The following EIF4A2 variants were observed in gnomAD, a reference collection of about 807,000 sequenced individuals.
EIF4A2 encodes eukaryotic initiation factor 4A-II.
In EIF4A2, 9 loss-of-function variants were observed where a neutral mutation model predicts 50.6. The observed-to-expected ratio is 0.18, with a 90% CI of 0.11 to 0.31. The LOEUF (loss-of-function observed/expected upper bound fraction) is 0.31. Ranked by LOEUF, EIF4A2 falls within the 10% of genes least tolerant of loss-of-function variation. The pLI is 1.00. For missense variants in EIF4A2, 182 were observed against 501.8 expected, an observed-to-expected ratio of 0.36 and a Z score of 6.09; for synonymous variants, 215 against 164.4, an observed-to-expected ratio of 1.31 and a Z score of -2.35.
chr3:186,786,805 CTT>C (rs779694284), intron 7 of EIF4A2, 160 bp downstream of exon 7: 2 of 1,018,210 alleles, frequency 2.0e-6, no homozygotes, highest in East Asian at 4.7e-5. Context: ...GGGTGGACCT[CTT>C]TCTTAATGTC....
intron 4 of EIF4A2, 115 bp downstream of exon 4, chr3:186,785,216 A>T (rs570210998): frequency 1.4e-6 from 2 of 1,460,728 alleles, no homozygotes; most frequent in South Asian, 2.6e-5. Flanking sequence ...CCTCCTTTTA[A>T]TTGTCCATGC....
chr3:186,788,997 C>T (rs1291601110), intron 10 of EIF4A2, 128 bp from the exon 11 acceptor site: 15 of 1,343,590 alleles, frequency 1.1e-5, no homozygotes, highest in African/African-American at 1.5e-5. Context: ...GCAGCTAGTG[C>T]TCCAGTTAGA....
chr3:186,786,287 CA>C lies in EIF4A2; in HGVS notation c.627+15del. The C allele has an allele frequency of 1.2e-6, 2 of 1,604,592 alleles. No individual in the cohort carries two copies. Among genetic ancestry groups the C allele is most frequent in the Non-Finnish European group, 1.7e-6 (2 of 1,173,590 alleles). On this transcript the variant is annotated intron_variant, in intron 6 of 10. Coordinates refer to ENST00000323963, the MANE Select transcript of EIF4A2 (RefSeq NM_001967.4). Reference sequence around the variant, plus strand: ...ACAAGTATTCAGGTAAGCATTACTTCACCCCCCTCTTAAAGGTAGAGATGGG... The same window carrying C: ...ACAAGTATTCAGGTAAGCATTACTTCCCCCCCTCTTAAAGGTAGAGATGGG...
chr3:186,787,931 C>T (rs1466979319), intron 10 of EIF4A2, 49 bp downstream of exon 10: 3 of 1,582,550 alleles, frequency 1.9e-6, no homozygotes, highest in Non-Finnish European at 1.7e-6. Context: ...ATACGTTTTT[C>T]TACTGTGATT....
chr3:186,785,270 C>T, intron 4 of EIF4A2, 169 bp downstream of exon 4: 8 of 937,148 alleles, frequency 8.5e-6, no homozygotes, highest in South Asian at 3.4e-5. Context: ...ACTGGGTATG[C>T]AGGTATGGTT....
At chr3:186,785,666 G>GAGC (rs1246221142) in intron 4 of EIF4A2, 1 of 525,120 alleles carries the variant, frequency 1.9e-6, no homozygotes, top group Non-Finnish European at 3.4e-6. Context: ...CTGATGCGTG[G>GAGC]AGCAGCAGCA....
Position 186,789,880 on chromosome 3 carries a change from T to C in EIF4A2, c.*611T>C, listed in dbSNP as rs1428617429. ...TAATGAAGTTTGAATGTTAAATAAA[T>C]TGTATATTCACTTTAAAGGTGCTTT... On this transcript the variant is annotated 3_prime_UTR_variant, in exon 11 of 11. Coordinates refer to ENST00000323963, the MANE Select transcript of EIF4A2 (RefSeq NM_001967.4). 1.3e-5 allele frequency: 11 copies of C among 817,790 alleles called. No homozygotes were observed. The highest frequency in any genetic ancestry group is 2.2e-5 in the Non-Finnish European group (11 of 510,384). The allele number at this position is 817,790 out of a possible 1,614,324, so 50.7% of individuals were successfully genotyped here. A position where few individuals can be genotyped will look rare whatever the true frequency, so the allele number is the denominator to read the frequency against.
At chr3:186,788,503 C>A (rs1284609658) in intron 10 of EIF4A2, 3 of 1,097,372 alleles carry the variant, frequency 2.7e-6, no homozygotes, top group Non-Finnish European at 3.5e-6. Context: ...ATTAGTATTT[C>A]TATTAGGGAA....
At chr3:186,786,979 G>A in intron 7 of EIF4A2, 148 bp from the exon 8 acceptor site, 2 of 1,215,708 alleles carry the variant, frequency 1.6e-6, no homozygotes, top group Non-Finnish European at 2.3e-6. Flanking sequence ...TTGAAACCCT[G>A]GTCTGGTTGG....
chr3:186,787,144 A>C lies in EIF4A2; in HGVS notation c.789A>C (p.Thr263=). The C allele has an allele frequency of 6.2e-7, 1 of 1,613,788 alleles. No individual in the cohort carries two copies. Among genetic ancestry groups the C allele is most frequent in the Non-Finnish European group, 8.5e-7 (1 of 1,179,956 alleles). Residue 263 remains threonine, a synonymous_variant, in exon 8 of 11, where the codon ACA becomes ACC. Coordinates refer to ENST00000323963, the MANE Select transcript of EIF4A2 (RefSeq NM_001967.4). ...NVEREEWKLD[T]LCDLYETLTI... is the part of the protein sequence containing the mutation. ...CATTACAGGAATGGAAGTTGGATAC[A>C]CTTTGTGACTTGTACGAGACACTGA...
intron 8 of EIF4A2, 72 bp downstream of exon 8, chr3:186,787,336 T>C (rs1160424342): frequency 6.2e-7 from 1 of 1,613,236 alleles, no homozygotes; most frequent in South Asian, 1.1e-5. Context: ...TGCTAAGTGC[T>C]GTGTTGTCGT....
Position 186,789,638 on chromosome 3 carries a change from C to G in EIF4A2, c.*369C>G, listed in dbSNP as rs188694026. On this transcript the variant is annotated 3_prime_UTR_variant, in exon 11 of 11. Coordinates refer to ENST00000323963, the MANE Select transcript of EIF4A2 (RefSeq NM_001967.4). ...TATAAAATCAGCCAATTATGTTAAA[C>G]TAGCATATCTGCCTTTATTGTGTTT... 3.0e-6 allele frequency: 1 copy of G among 334,374 alleles called. No homozygotes were observed. Among genetic ancestry groups the G allele is most frequent in the Non-Finnish European group, 5.5e-6 (1 of 183,200 alleles). The allele number at this position is 334,374 out of a possible 1,614,324, so 20.7% of individuals were successfully genotyped here. A position where few individuals can be genotyped will look rare whatever the true frequency, so the allele number is the denominator to read the frequency against.
intron 1 of EIF4A2, 195 bp downstream of exon 1, chr3:186,783,834 C>T: frequency 1.2e-6 from 1 of 843,996 alleles, no homozygotes. Flanking sequence ...GGTGCGAAAG[C>T]AGTGGCTAAA....
At position 186,784,483 on chromosome 3, in the gene EIF4A2, A is replaced by G; in HGVS notation, c.75+6A>G. The stretch of plus-strand genomic sequence containing the variant: ...ACCCCGATGGTGTCATCGAGGTAAG[A>G]AACGGTTGTGGATCTTGAAGCTTTG... On this transcript the variant is annotated splice_donor_region_variant and intron_variant, in intron 2 of 10. Transcript: ENST00000323963. 1 of 1,614,210 alleles carries G rather than the reference A, an allele frequency of 6.2e-7. No homozygotes were observed. Among genetic ancestry groups the G allele is most frequent in the Non-Finnish European group, 8.5e-7 (1 of 1,180,026 alleles).
chr3:186,787,015 C>G, intron 7 of EIF4A2, 112 bp from the exon 8 acceptor site: 1 of 1,463,636 alleles, frequency 6.8e-7, no homozygotes, highest in African/African-American at 1.4e-5. Flanking sequence ...GTGCTAGGAT[C>G]CCAAAGGGCT....
rs1369188808 is a variant in EIF4A2 at position 186,789,324 on chromosome 3, C to G, written c.*55C>G. 3 of 1,558,698 alleles carry G rather than the reference C, an allele frequency of 1.9e-6. No individual in the cohort carries two copies. Among genetic ancestry groups the G allele is most frequent in the Non-Finnish European group, 8.7e-7 (1 of 1,151,302 alleles). The stretch of plus-strand genomic sequence containing the variant: ...CTCGCTGTTGCTGAATAGGCGATCA[C>G]AACGTGCATTGTGCTTCTTTCTTTG... On this transcript the variant is annotated 3_prime_UTR_variant, in exon 11 of 11. Transcript: ENST00000323963.
rs757563438 is a variant in EIF4A2, at chr3:186,787,391, CTA to C, written c.910-102_910-101del. The C allele has an allele frequency of 1.9e-6, 3 of 1,606,674 alleles. No homozygotes were observed. The Admixed American group carries it at 5.0e-5, about 27-fold the overall frequency. ...GTTGTTTCTTAACTATACCTGTCTG[CTA>C]TTCTCCTGTAGCAGCCAGGGACGCT... On this transcript the variant is annotated intron_variant, in intron 8 of 10. Transcript: ENST00000323963.
At position 186,787,490 on chromosome 3, in the gene EIF4A2, T is replaced by C; in HGVS notation, c.910-5T>C. On this transcript the variant is annotated splice_polypyrimidine_tract_variant and splice_region_variant and intron_variant, in intron 8 of 10. Transcript: ENST00000323963. ...ATTCTTGAATTAAGGTTTATTAATTTGCAGCATGGTGACATGGACCAGAAG... is the reference window on the plus strand; with the variant it reads ...ATTCTTGAATTAAGGTTTATTAATTCGCAGCATGGTGACATGGACCAGAAG... 6.2e-7 allele frequency: 1 copy of C among 1,612,256 alleles called. No homozygotes were observed.
intron 9 of EIF4A2, 42 bp downstream of exon 9, chr3:186,787,626 CT>C: frequency 1.9e-6 from 3 of 1,611,782 alleles, no homozygotes; most frequent in South Asian, 2.2e-5. Context: ...CAAAAGTTAG[CT>C]TTTTGGGGGG....
Sources: gnomAD v4.1 joint callset for allele counts on GRCh38, gnomAD v4.1.1 for gene constraint, MANE v1.5 for transcripts, NCBI Gene and HGNC (gene_info 2026-07-23, HGNC 2026-07-21) for gene names.